CHI3L2: variants seen among roughly 807,000 people sequenced by gnomAD.
The protein encoded by CHI3L2 is chitinase-3-like protein 2.
In CHI3L2, 47 loss-of-function variants were observed where a neutral mutation model predicts 47.3. That is an observed-to-expected ratio of 0.99 (90% CI 0.79 to 1.27). The LOEUF (loss-of-function observed/expected upper bound fraction) is 1.27, where lower values mean the gene tolerates loss of function less well. CHI3L2 is among the 50% of genes most tolerant of loss of function. CHI3L2 has a pLI of 0.00. For missense variants in CHI3L2, 497 were observed against 462.1 expected, an observed-to-expected ratio of 1.08 and a Z score of -0.69; for synonymous variants, 198 against 169.9, an observed-to-expected ratio of 1.17 and a Z score of -1.28.
At chr1:111,232,012 G>A (rs1274092755) in intron 4 of CHI3L2, among the ~76,000 whole-genome samples, 2 of 152,178 alleles carry the variant, frequency 1.3e-5, no homozygotes, top group Non-Finnish European at 2.9e-5. Context: ...ATCTTAAAAA[G>A]TCCAGAGATC....
rs780268781 is a variant in CHI3L2, at chr1:111,230,821, T to C, written c.150T>C (p.Asn50=). The C allele has an allele frequency of 6.2e-7, 1 of 1,614,106 alleles. No homozygotes were observed. Among genetic ancestry groups the C allele is most frequent in the South Asian group, 1.1e-5 (1 of 91,076 alleles). ...RQEPGKFTPE[N]IDPFLCSHLI... ...AACCAGGAAAATTCACCCCTGAGAA[T>C]ATTGACCCCTTCCTATGCTCTCATC... is the stretch of plus-strand genomic sequence containing the variant. Residue 50 remains asparagine, a synonymous_variant, in exon 3 of 11, where the codon AAT becomes AAC. Transcript: ENST00000369748.
chr1:111,230,710 G>A, intron 2 of CHI3L2, 32 bp from the exon 3 acceptor site: 2 of 1,581,208 alleles, frequency 1.3e-6, no homozygotes, highest in Non-Finnish European at 1.7e-6. Context: ...AACAGCCCTA[G>A]AGTCTCACTG....
chr1:111,237,291 T>C (rs1053974174), intron 7 of CHI3L2, among the ~76,000 whole-genome samples: 5 of 152,232 alleles, frequency 3.3e-5, no homozygotes, highest in Non-Finnish European at 7.3e-5. Flanking sequence ...TCCTCCCAAA[T>C]TGAGTTGGCT....
intron 3 of CHI3L2, 102 bp from the exon 4 acceptor site, chr1:111,231,136 G>C (rs1348013437): frequency 1.1e-5 from 12 of 1,091,650 alleles, no homozygotes; most frequent in Non-Finnish European, 1.7e-5. Context: ...AAACAGCCAG[G>C]CCCTAATTGT....
chr1:111,242,167 G>A (rs986840371), intron 9 of CHI3L2, 60 bp from the exon 10 acceptor site: 5 of 1,608,512 alleles, frequency 3.1e-6, no homozygotes, highest in Non-Finnish European at 1.7e-6. Context: ...ACCTGATATG[G>A]TCCTGGGCAT....
At chr1:111,229,415 G>A (rs947790729) in intron 1 of CHI3L2, among the ~76,000 whole-genome samples, 3 of 152,102 alleles carry the variant, frequency 2.0e-5, no homozygotes, top group Non-Finnish European at 2.9e-5. Flanking sequence ...GGGCGCGGTG[G>A]CTCACGCCTG....
In CHI3L2 at chr1:111,230,766, A is replaced by C; in HGVS notation, c.95A>C (p.Tyr32Ser). Residue 32 changes from tyrosine (Y) to serine (S), a missense_variant, in exon 3 of 11, where the codon TAC becomes TCC. Coordinates refer to ENST00000369748, the MANE Select transcript of CHI3L2 (RefSeq NM_004000.3). ...GGATCTGCCTACAAACTGGTTTGCT[A>C]CTTTACCAACTGGTCCCAGGACCGG... is the stretch of plus-strand genomic sequence containing the variant. ...QGGSAYKLVC[Y>S]FTNWSQDRQE... is the part of the protein sequence containing the mutation. The C allele has an allele frequency of 6.2e-7, 1 of 1,614,094 alleles. No individual in the cohort carries two copies. Among genetic ancestry groups the C allele is most frequent in the East Asian group, 2.2e-5 (1 of 44,882 alleles).
chr1:111,230,252 A>AT (rs11392081), intron 2 of CHI3L2, among the ~76,000 whole-genome samples: 46,925 of 151,056 alleles, frequency 0.31, 7,572 homozygotes, highest in Non-Finnish European at 0.36. Flanking sequence ...CTCTCAATGT[A>AT]TTTTTTTTTA....
At chr1:111,235,153 G>T (rs1659842101) in intron 5 of CHI3L2, 96 bp downstream of exon 5, 2 of 1,317,848 alleles carry the variant, frequency 1.5e-6, no homozygotes, top group East Asian at 2.4e-5. Flanking sequence ...GAGACAAAAA[G>T]GAGGAGATTG....
intron 8 of CHI3L2, among the ~76,000 whole-genome samples, chr1:111,240,726 T>A (rs1413793513): frequency 2.0e-5 from 3 of 152,206 alleles, no homozygotes; most frequent in Non-Finnish European, 4.4e-5. Context: ...AATTGAAGAT[T>A]TATCTTTTTT....
Position 111,235,005 on chromosome 1 carries a change from G to C in CHI3L2, c.428G>C (p.Ser143Thr). ...CATAACTTTGATGGACTGGATGTAA[G>C]CTGGATCTACCCAGATCAGAAAGAA... is the stretch of plus-strand genomic sequence containing the variant. Reference protein sequence around the residue: ...RNHNFDGLDVSWIYPDQKENT... With the variant: ...RNHNFDGLDVTWIYPDQKENT... Residue 143 changes from serine to threonine, a missense_variant, in exon 5 of 11, where the codon AGC becomes ACC. Transcript: ENST00000369748. 1 of 1,614,158 alleles carries C rather than the reference G, an allele frequency of 6.2e-7. No homozygotes were observed. Among genetic ancestry groups the C allele is most frequent in the South Asian group, 1.1e-5 (1 of 91,080 alleles).
At chr1:111,231,696 A>T (rs56923570) in intron 4 of CHI3L2, among the ~76,000 whole-genome samples, 4,672 of 152,328 alleles carry the variant, frequency 0.031, 234 homozygotes, top group African/African-American at 0.11. Flanking sequence ...TTCCATTCAG[A>T]AGCCCCACCA....
At chr1:111,235,839 C>T (rs773625374) in intron 6 of CHI3L2, 76 bp downstream of exon 6, 278 of 1,581,568 alleles carry the variant, frequency 1.8e-4, no homozygotes, top group East Asian at 5.2e-4. Flanking sequence ...GCATGTTTGA[C>T]GGATGAGGGG....
chr1:111,237,731 C>T (rs1303674820), intron 7 of CHI3L2, among the ~76,000 whole-genome samples: 1 of 152,102 alleles, frequency 6.6e-6, no homozygotes, highest in East Asian at 1.9e-4. Context: ...AATTCTAAGC[C>T]CCCCAGACAT....
rs1231351398 is a variant in CHI3L2, at chr1:111,230,894, G to A, written c.223G>A (p.Asp75Asn). ...CGAAAACAACAAGGTTATCATCAAG[G>A]ACAAGAGTGAAGTGATGCTCTACCA... ...SIENNKVIIK[D>N]KSEVMLYQTI... Residue 75 changes from aspartate to asparagine, a missense_variant, in exon 3 of 11, where the codon GAC (aspartate) becomes AAC (asparagine). By Grantham distance (23) the Asp-to-Asn change is conservative (BLOSUM62 1). Coordinates refer to ENST00000369748, the MANE Select transcript of CHI3L2 (RefSeq NM_004000.3). 2 of 1,614,112 alleles carry A rather than the reference G, an allele frequency of 1.2e-6. No individual in the cohort carries two copies. Among genetic ancestry groups the A allele is most frequent in the Middle Eastern group, 1.6e-4 (1 of 6,062 alleles).
chr1:111,229,743 G>C (rs12070867), intron 1 of CHI3L2, 109 bp from the exon 2 acceptor site: 1 of 1,412,516 alleles, frequency 7.1e-7, no homozygotes. Flanking sequence ...CCCAGATGAA[G>C]TGTGGCTCTA....
At chr1:111,239,013 G>T (rs993552154) in intron 8 of CHI3L2, 81 bp downstream of exon 8, 38 of 1,371,498 alleles carry the variant, frequency 2.8e-5, no homozygotes, top group African/African-American at 2.5e-4. Context: ...GCAGAGTAAA[G>T]CATCCTGAGT....
intron 4 of CHI3L2, among the ~76,000 whole-genome samples, chr1:111,232,069 G>A (rs372557309): frequency 2.0e-5 from 3 of 152,292 alleles, no homozygotes; most frequent in East Asian, 3.9e-4. Flanking sequence ...AAATCTGATA[G>A]TACAACTTGT....
intron 4 of CHI3L2, among the ~76,000 whole-genome samples, chr1:111,231,943 C>T (rs987365362): frequency 6.6e-6 from 1 of 152,222 alleles, no homozygotes; most frequent in Non-Finnish European, 1.5e-5. Context: ...TTTTTTCAAT[C>T]TTCAGCTACA....
Sources: allele counts gnomAD v4.1 joint callset (sites outside exome capture counted in the v4.1 genomes callset), GRCh38; gene constraint gnomAD v4.1.1; transcripts MANE v1.5; gene names NCBI Gene and HGNC (gene_info 2026-07-23, HGNC 2026-07-21).